The following ALDH7A1 variants were observed in gnomAD, a reference collection of about 807,000 sequenced individuals.
ALDH7A1 encodes the protein aldehyde dehydrogenase 7 family member A1.
In ALDH7A1, 63 loss-of-function variants were observed where a neutral mutation model predicts 79.9. The observed-to-expected ratio is 0.79, with a 90% CI of 0.64 to 0.97. The LOEUF (loss-of-function observed/expected upper bound fraction) is 0.97, where lower values mean the gene tolerates loss of function less well. Among genes scored for constraint, ALDH7A1 ranks in the 50% least tolerant of loss-of-function variants. The pLI is 0.00. For missense variants in ALDH7A1, 627 were observed against 665.2 expected (o/e 0.94, Z 0.63); for synonymous variants, 240 against 231.2 (o/e 1.04, Z -0.34).
At chr5:126,590,197 C>T (rs1169822735) in intron 3 of ALDH7A1, among the ~76,000 whole-genome samples, 2 of 149,688 alleles carry the variant, frequency 1.3e-5, no homozygotes, top group South Asian at 2.1e-4. Flanking sequence ...GCCCGGCCAC[C>T]GCCCTGTCTG....
intron 12 of ALDH7A1, chr5:126,554,750 A>C: frequency 5.6e-6 from 2 of 355,628 alleles, no homozygotes; most frequent in Non-Finnish European, 1.1e-5. Context: ...AAAGCACTGC[A>C]CTCAAAATAT....
rs121912711 is a variant in ALDH7A1, at chr5:126,561,094, T to A, written c.902A>T (p.Asn301Ile). The stretch of plus-strand genomic sequence containing the variant: ...AGAGGCAGCCTTACCAATAATGGCA[T>A]TGTTTCCTCCAAGTTCCAACAGACT... ...GRSLLELGGN[N>I]AIIAFEDADL... Residue 301 changes from asparagine (N) to isoleucine (I), a missense_variant, in exon 10 of 18, where the codon AAT becomes ATT. Asn to Ile is a moderately radical substitution (Grantham distance 149, BLOSUM62 -3). Transcript: ENST00000409134. 34 of 1,613,270 alleles carry A rather than the reference T, an allele frequency of 2.1e-5. No individual in the cohort carries two copies. Among genetic ancestry groups the A allele is most frequent in the Non-Finnish European group, 2.8e-5 (33 of 1,179,622 alleles).
chr5:126,545,879 G>A (rs369657390), intron 17 of ALDH7A1, among the ~76,000 whole-genome samples: 1 of 149,550 alleles, frequency 6.7e-6, no homozygotes, highest in Non-Finnish European at 1.5e-5. Flanking sequence ...TTGAGAGGCC[G>A]AGGCAGGCAG....
intron 16 of ALDH7A1, among the ~76,000 whole-genome samples, chr5:126,546,655 A>AAT (rs1055060090): frequency 6.9e-6 from 1 of 145,862 alleles, no homozygotes; most frequent in East Asian, 1.9e-4. Context: ...AAACGGTAAA[A>AAT]AAAAAAAAAA....
At chr5:126,571,150 ATTTTTTTTTTTTTT>A (rs386404930) in intron 7 of ALDH7A1, 11 of 220,466 alleles carry the variant, frequency 5.0e-5, no homozygotes, top group East Asian at 2.3e-4. Context: ...CTATTAGCAG[ATTTTTTTTTTTTTT>A]TTTTTTTTTT....
In ALDH7A1 at chr5:126,568,165, T is replaced by A. The variant is rs1207735115; in HGVS notation, c.871+94A>T. On this transcript the variant is annotated intron_variant, in intron 9 of 17. Coordinates refer to ENST00000409134, the MANE Select transcript of ALDH7A1 (RefSeq NM_001182.5). ...CAAATAAACATGACCACTGCCTCCA[T>A]GGAAAAGGTTGAGGGGAAAACAAAA... is the stretch of plus-strand genomic sequence containing the variant. 5 of 1,184,604 alleles carry A rather than the reference T, an allele frequency of 4.2e-6. No individual in the cohort carries two copies. In the Admixed American group the frequency reaches 6.8e-5, roughly 16 times the overall value. The allele number at this position is 1,184,604 out of a possible 1,614,324, so 73.4% of individuals were successfully genotyped here. A position where few individuals can be genotyped will look rare whatever the true frequency, so the allele number is the denominator to read the frequency against.
At chr5:126,580,043 T>C (rs571755925) in intron 5 of ALDH7A1, 2 of 167,734 alleles carry the variant, frequency 1.2e-5, no homozygotes, top group Admixed American at 1.3e-4. Flanking sequence ...AATCAAATAG[T>C]TACCTGCTTG....
At chr5:126,558,300 T>C (rs957699241) in intron 11 of ALDH7A1, among the ~76,000 whole-genome samples, 2 of 151,426 alleles carry the variant, frequency 1.3e-5, no homozygotes, top group Non-Finnish European at 2.9e-5. Context: ...ACCAGCTCAA[T>C]CTAAGTGTAG....
chr5:126,557,404 T>C (rs1171350662), intron 11 of ALDH7A1, among the ~76,000 whole-genome samples: 2 of 151,884 alleles, frequency 1.3e-5, no homozygotes, highest in African/African-American at 4.8e-5. Flanking sequence ...CTGGCCAACA[T>C]GGCAAAATCC....
At chr5:126,594,661 G>A (rs969119134) in intron 1 of ALDH7A1, among the ~76,000 whole-genome samples, 3 of 151,822 alleles carry the variant, frequency 2.0e-5, no homozygotes, top group African/African-American at 4.8e-5. Context: ...GGTCAGGCTG[G>A]TCTTGAACTC....
rs117153440 is a variant in ALDH7A1 at position 126,577,890 on chromosome 5, C to T, written c.518-679G>A. 8.5e-3 allele frequency among the ~76,000 whole-genome samples: 1,283 copies of T among 150,686 alleles called. 11 individuals carry two copies. Among genetic ancestry groups the T allele is most frequent in the Middle Eastern group, 0.024 (7 of 294 alleles). Reference sequence around the variant, plus strand: ...CTCACATATTCTTTATGTTACCTGACGAATCCCTGGGCCAACTTCTCTGAA... The same window carrying T: ...CTCACATATTCTTTATGTTACCTGATGAATCCCTGGGCCAACTTCTCTGAA... On this transcript the variant is annotated intron_variant, in intron 5 of 17. Coordinates refer to ENST00000409134, the MANE Select transcript of ALDH7A1 (RefSeq NM_001182.5).
intron 7 of ALDH7A1, among the ~76,000 whole-genome samples, chr5:126,573,106 C>A (rs1182887183): frequency 1.7e-5 from 2 of 115,784 alleles, no homozygotes; most frequent in Non-Finnish European, 3.3e-5. Flanking sequence ...AATTCTTCAA[C>A]CATTTAAAGC....
intron 7 of ALDH7A1, among the ~76,000 whole-genome samples, chr5:126,574,851 C>T (rs1273658218): frequency 6.6e-6 from 1 of 152,112 alleles, no homozygotes; most frequent in Non-Finnish European, 1.5e-5. Flanking sequence ...TGGGAAGGCA[C>T]CCTAACTCTA....
At chr5:126,551,954 A>C in intron 14 of ALDH7A1, 67 bp downstream of exon 14, 2 of 1,252,114 alleles carry the variant, frequency 1.6e-6, no homozygotes, top group Non-Finnish European at 1.2e-6. Context: ...AGTGAAATTT[A>C]ATCCACCATC....
chr5:126,564,681 T>A (rs1750509261), intron 9 of ALDH7A1: 1 of 576,092 alleles, frequency 1.7e-6, no homozygotes, highest in African/African-American at 1.9e-5. Flanking sequence ...AACTCTAGTC[T>A]CTGCTGCAAT....
At chr5:126,559,442 T>TC in intron 10 of ALDH7A1, 108 bp from the exon 11 acceptor site, 2 of 828,102 alleles carry the variant, frequency 2.4e-6, no homozygotes, top group South Asian at 1.5e-5. Context: ...TGGTTTTTTT[T>TC]TTTTTTTTTT....
rs1749946158 is a variant in ALDH7A1 at position 126,550,249 on chromosome 5, T to C, written c.1362A>G (p.Gly454=). 4 of 1,613,696 alleles carry C rather than the reference T, an allele frequency of 2.5e-6. No individual in the cohort carries two copies. The African/African-American group carries it at 4.0e-5, about 16-fold the overall frequency. ...CTTTGGTAAAGATGCTACTTGAAAG[T>C]CCCTGTTTTACTTCATTATTCCATG... ...VFAWNNEVKQ[G]LSSSIFTKDL... Residue 454 remains glycine (G), a synonymous_variant, in exon 15 of 18, where the codon GGA becomes GGG. Transcript: ENST00000409134.
chr5:126,579,762 A>G (rs1751107800), intron 5 of ALDH7A1, among the ~76,000 whole-genome samples: 1 of 152,188 alleles, frequency 6.6e-6, no homozygotes, highest in Non-Finnish European at 1.5e-5. Flanking sequence ...GTTCTAGACC[A>G]GCCTAGGCCA....
intron 8 of ALDH7A1, chr5:126,569,942 A>C (rs1750718916): frequency 6.6e-6 from 1 of 152,200 alleles, no homozygotes; most frequent in South Asian, 2.1e-4. Context: ...AAACTCACCT[A>C]ATCAAAGTCT....
Sources: allele counts gnomAD v4.1 joint callset (sites outside exome capture counted in the v4.1 genomes callset), GRCh38; gene constraint gnomAD v4.1.1; transcripts MANE v1.5; gene names NCBI Gene and HGNC (gene_info 2026-07-23, HGNC 2026-07-21).